The following BLTP3B variants were observed in gnomAD, a reference collection of about 807,000 sequenced individuals.
BLTP3B encodes UHRF1 (ICBP90) binding protein 1-like.
At chr12:100,042,901 G>A in the BLTP3B span, among the ~76,000 whole-genome samples, 1 of 152,186 alleles carries the variant, frequency 6.6e-6, no homozygotes, top group Non-Finnish European at 1.5e-5. Flanking sequence ...CTGGATTCAA[G>A]CAATTCTCCT....
chr12:100,095,964 T>C, the BLTP3B span: 4 of 973,650 alleles, frequency 4.1e-6, no homozygotes, highest in East Asian at 5.8e-5. Context: ...ACAAGAAGTA[T>C]TTACTGGCCG....
the BLTP3B span, among the ~76,000 whole-genome samples, chr12:100,116,471 A>AG: frequency 6.6e-6 from 1 of 151,204 alleles, no homozygotes; most frequent in Non-Finnish European, 1.5e-5. Flanking sequence ...AAAAAAGAAA[A>AG]GAAAAAAAAA....
chr12:100,119,948 T>G, the BLTP3B span, among the ~76,000 whole-genome samples: 1 of 152,254 alleles, frequency 6.6e-6, no homozygotes, highest in African/African-American at 2.4e-5. Flanking sequence ...TTAAAACCTC[T>G]GCCCTTTGAA....
At chr12:100,052,679 T>A in the BLTP3B span, among the ~76,000 whole-genome samples, 1 of 151,932 alleles carries the variant, frequency 6.6e-6, no homozygotes, top group South Asian at 2.1e-4. Context: ...CAGAGCATTG[T>A]CAGTAATGTT....
At chr12:100,131,628 T>C in the BLTP3B span, among the ~76,000 whole-genome samples, 1 of 152,206 alleles carries the variant, frequency 6.6e-6, no homozygotes, top group African/African-American at 2.4e-5. Context: ...GTGAATATAA[T>C]GTCTGAAAAA....
the BLTP3B span, among the ~76,000 whole-genome samples, chr12:100,042,785 G>C: frequency 6.6e-6 from 1 of 152,134 alleles, no homozygotes; most frequent in African/African-American, 2.4e-5. Context: ...ATAATCATTA[G>C]CATTTTTTAG....
At chr12:100,126,543 C>T in the BLTP3B span, among the ~76,000 whole-genome samples, 3 of 151,880 alleles carry the variant, frequency 2.0e-5, no homozygotes, top group African/African-American at 7.3e-5. Context: ...CTTTTGTCTA[C>T]TTTATGTAGT....
the BLTP3B span, among the ~76,000 whole-genome samples, chr12:100,135,767 C>T: frequency 1.4e-4 from 22 of 152,280 alleles, no homozygotes; most frequent in South Asian, 4.1e-3. Context: ...GTAAACTCCA[C>T]GAGGGCAGGG....
the BLTP3B span, among the ~76,000 whole-genome samples, chr12:100,142,301 C>A: frequency 6.6e-6 from 1 of 152,242 alleles, no homozygotes; most frequent in Non-Finnish European, 1.5e-5. Flanking sequence ...GCCGGGACGC[C>A]CCCAGACGCC....
the BLTP3B span, among the ~76,000 whole-genome samples, chr12:100,066,290 A>G: frequency 6.6e-6 from 1 of 152,184 alleles, no homozygotes; most frequent in Non-Finnish European, 1.5e-5. Flanking sequence ...GACATTATAC[A>G]ATGATAAAAG....
the BLTP3B span, among the ~76,000 whole-genome samples, chr12:100,046,469 C>G: frequency 6.6e-6 from 1 of 151,738 alleles, no homozygotes; most frequent in Admixed American, 6.6e-5. Flanking sequence ...AGCAAACTAC[C>G]GCAAGGACAG....
At chr12:100,083,001 G>C in the BLTP3B span, 2 of 1,590,588 alleles carry the variant, frequency 1.3e-6, no homozygotes, top group Non-Finnish European at 8.6e-7. Flanking sequence ...AACTTAATTG[G>C]AAAAGAAAAC....
the BLTP3B span, among the ~76,000 whole-genome samples, chr12:100,083,582 TTAAC>T: frequency 6.6e-6 from 1 of 151,976 alleles, no homozygotes; most frequent in Non-Finnish European, 1.5e-5. Context: ...TGCTCCCAAC[TTAAC>T]TAATAAATGT....
the BLTP3B span, chr12:100,128,434 C>A: frequency 1.9e-6 from 1 of 533,786 alleles, no homozygotes; most frequent in Non-Finnish European, 2.5e-6. Context: ...TTACATGAGC[C>A]TCTAGCTACA....
At chr12:100,140,729 A>ATATATTTT in the BLTP3B span, among the ~76,000 whole-genome samples, 1 of 61,506 alleles carries the variant, frequency 1.6e-5, no homozygotes, top group Non-Finnish European at 2.6e-5. Context: ...AAAAAAAAAA[A>ATATATTTT]ATATATATAT....
chr12:100,095,819 T>C, the BLTP3B span: 1 of 1,609,408 alleles, frequency 6.2e-7, no homozygotes, highest in African/African-American at 1.3e-5. Context: ...TTTGTTGCTA[T>C]GACATTGCAG....
At chr12:100,095,816 C>T in the BLTP3B span, 14 of 1,608,828 alleles carry the variant, frequency 8.7e-6, no homozygotes, top group South Asian at 1.3e-4. Flanking sequence ...AACTTTGTTG[C>T]TATGACATTG....
the BLTP3B span, among the ~76,000 whole-genome samples, chr12:100,077,844 T>C: frequency 1.3e-5 from 2 of 152,172 alleles, no homozygotes; most frequent in African/African-American, 4.8e-5. Context: ...CTGAGTAAGA[T>C]TGTTAGTATA....
At chr12:100,095,823 A>G in the BLTP3B span, 4 of 1,605,738 alleles carry the variant, frequency 2.5e-6, no homozygotes, top group Non-Finnish European at 3.4e-6. Context: ...TTGCTATGAC[A>G]TTGCAGTCCT....
Sources: gnomAD v4.1 joint callset for allele counts (sites outside exome capture counted in the v4.1 genomes callset) on GRCh38, gnomAD v4.1.1 for gene constraint, MANE v1.5 for transcripts, NCBI Gene and HGNC (gene_info 2026-07-23, HGNC 2026-07-21) for gene names.